Variants in HRH1 observed in about 807,000 individuals in gnomAD.
HRH1 encodes histamine receptor H1.
Under a neutral mutation model 10.3 loss-of-function variants are expected in HRH1, and 6 were observed. That is an observed-to-expected ratio of 0.58 (90% CI 0.32 to 1.15). The LOEUF is 1.15. Ranked by LOEUF, HRH1 falls within the 50% of genes most tolerant of loss-of-function variation. The probability of loss-of-function intolerance (pLI) is 0.05; values close to 1 mark genes in which losing one functional copy is unlikely to be tolerated. For missense variants in HRH1, 514 were observed against 615.3 expected, an observed-to-expected ratio of 0.84 and a Z score of 1.74; for synonymous variants, 242 against 236.7, an observed-to-expected ratio of 1.02 and a Z score of -0.21.
chr3:11,217,518 G>C (rs1052907025), intron 1 of HRH1, among the ~76,000 whole-genome samples: 1 of 152,122 alleles, frequency 6.6e-6, no homozygotes, highest in Non-Finnish European at 1.5e-5. Flanking sequence ...GACAGAGCGA[G>C]ACTTGGTCTC....
rs371984991 is a variant in HRH1, at chr3:11,184,638, C to T, written c.-36+30084C>T. On this transcript the variant is annotated intron_variant, in intron 1 of 1. Coordinates refer to ENST00000431010, the MANE Select transcript of HRH1 (RefSeq NM_001098212.2). ...GGAAAAGAATCAGGCTAATCTTGGC[C>T]GGGCCCGATGACTCGCACCTGTAAT... 6.4e-4 allele frequency among the ~76,000 whole-genome samples: 98 copies of T among 152,156 alleles called. 2 individuals are homozygous for T. The South Asian group carries it at 0.016, about 25-fold the overall frequency.
intron 1 of HRH1, among the ~76,000 whole-genome samples, chr3:11,230,021 G>A (rs1285912026): frequency 6.6e-6 from 1 of 152,138 alleles, no homozygotes; most frequent in Non-Finnish European, 1.5e-5. Flanking sequence ...ATAGGGGGCT[G>A]TTGCAGTATC....
intron 1 of HRH1, among the ~76,000 whole-genome samples, chr3:11,239,341 C>T (rs1939272869): frequency 6.6e-6 from 1 of 152,020 alleles, no homozygotes; most frequent in Non-Finnish European, 1.5e-5. Flanking sequence ...AAATCCTTTG[C>T]CTATTTATAA....
intron 1 of HRH1, among the ~76,000 whole-genome samples, chr3:11,235,783 T>A (rs1306789546): frequency 6.6e-6 from 1 of 152,198 alleles, no homozygotes; most frequent in African/African-American, 2.4e-5. Context: ...GGGCACAGTG[T>A]TTTTCTATGG....
intron 1 of HRH1, chr3:11,234,194 AG>A: frequency 9.7e-7 from 1 of 1,028,416 alleles, no homozygotes; most frequent in South Asian, 1.6e-5. Flanking sequence ...GGTGACAACA[AG>A]GTCTTTTGCA....
At chr3:11,175,184 G>A (rs769717729) in intron 1 of HRH1, among the ~76,000 whole-genome samples, 1 of 152,188 alleles carries the variant, frequency 6.6e-6, no homozygotes, top group Non-Finnish European at 1.5e-5. Context: ...CATGATAATA[G>A]CAGCTTCTGC....
At chr3:11,186,389 A>G (rs1937452492) in intron 1 of HRH1, among the ~76,000 whole-genome samples, 1 of 152,140 alleles carries the variant, frequency 6.6e-6, no homozygotes, top group African/African-American at 2.4e-5. Flanking sequence ...AGCTTTTACC[A>G]TTGCACCTTT....
chr3:11,214,452 A>G (rs1420881376), intron 1 of HRH1, among the ~76,000 whole-genome samples: 1 of 152,220 alleles, frequency 6.6e-6, no homozygotes, highest in African/African-American at 2.4e-5. Context: ...CCAGTCGGTA[A>G]TGGTGGGATT....
At chr3:11,139,436 C>T (rs761782073) in intron 1 of HRH1, among the ~76,000 whole-genome samples, 1 of 152,188 alleles carries the variant, frequency 6.6e-6, no homozygotes, top group South Asian at 2.1e-4. Flanking sequence ...CCTGCCACCA[C>T]GCCCAGCTAA....
At chr3:11,194,598 T>G (rs1348830522) in intron 1 of HRH1, among the ~76,000 whole-genome samples, 1 of 152,164 alleles carries the variant, frequency 6.6e-6, no homozygotes, top group African/African-American at 2.4e-5. Context: ...GAGGCTGAGG[T>G]GGGTCAGGAG....
intron 1 of HRH1, among the ~76,000 whole-genome samples, chr3:11,159,401 CTGAG>C (rs1431750198): frequency 6.6e-6 from 1 of 152,142 alleles, no homozygotes; most frequent in Non-Finnish European, 1.5e-5. Context: ...TCCCAGTTTG[CTGAG>C]TGTTTCTTTT....
At chr3:11,180,412 A>T (rs1559262062) in intron 1 of HRH1, among the ~76,000 whole-genome samples, 1 of 152,112 alleles carries the variant, frequency 6.6e-6, no homozygotes, top group Non-Finnish European at 1.5e-5. Context: ...TGCAACCTAG[A>T]TCCCTCACAA....
chr3:11,215,765 A>T (rs1278796982), intron 1 of HRH1, among the ~76,000 whole-genome samples: 3 of 152,176 alleles, frequency 2.0e-5, no homozygotes, highest in Non-Finnish European at 4.4e-5. Context: ...TACAAGTGGC[A>T]GGGGTGAGGG....
intron 1 of HRH1, among the ~76,000 whole-genome samples, chr3:11,195,577 C>T (rs1344552022): frequency 6.6e-6 from 1 of 152,202 alleles, no homozygotes; most frequent in Non-Finnish European, 1.5e-5. Flanking sequence ...ACTCTCATGA[C>T]AGTATTGGAT....
intron 1 of HRH1, among the ~76,000 whole-genome samples, chr3:11,243,213 C>G (rs1411193761): frequency 6.6e-6 from 1 of 152,198 alleles, no homozygotes; most frequent in Non-Finnish European, 1.5e-5. Flanking sequence ...TGCGCCCGAC[C>G]CTGGGTCTTG....
In HRH1 at chr3:11,176,066, G is replaced by A. The variant is rs542890725; in HGVS notation, c.-36+21512G>A. On this transcript the variant is annotated intron_variant, in intron 1 of 1. Coordinates refer to ENST00000431010, the MANE Select transcript of HRH1 (RefSeq NM_001098212.2). ...TACACACCTGTAGTCCCAGCTACTC[G>A]GGAGGCTGAAGTAGAAGGATCACTT... is the stretch of plus-strand genomic sequence containing the variant. 1.6e-3 allele frequency among the ~76,000 whole-genome samples: 247 copies of A among 151,790 alleles called. 7 individuals are homozygous for A. The highest frequency in any genetic ancestry group is 0.014 in the Admixed American group (221 of 15,260).
intron 1 of HRH1, among the ~76,000 whole-genome samples, chr3:11,258,527 CT>C (rs1485710419): frequency 6.6e-6 from 1 of 152,196 alleles, no homozygotes; most frequent in Non-Finnish European, 1.5e-5. Context: ...TTCCTAAAAA[CT>C]CCGCCTCTGC....
intron 1 of HRH1, among the ~76,000 whole-genome samples, chr3:11,232,834 A>G (rs1370098047): frequency 6.6e-6 from 1 of 152,236 alleles, no homozygotes; most frequent in African/African-American, 2.4e-5. Context: ...ACAGTCCTGT[A>G]CAAGTTCGTC....
At chr3:11,179,404 A>G (rs966613955) in intron 1 of HRH1, among the ~76,000 whole-genome samples, 1 of 151,706 alleles carries the variant, frequency 6.6e-6, no homozygotes, top group Non-Finnish European at 1.5e-5. Context: ...GTGGATCACG[A>G]GGTCAGGAGA....
Sources: allele counts gnomAD v4.1 joint callset (sites outside exome capture counted in the v4.1 genomes callset), GRCh38; gene constraint gnomAD v4.1.1; transcripts MANE v1.5; gene names NCBI Gene and HGNC (gene_info 2026-07-23, HGNC 2026-07-21).